Variants in DPF3 observed in about 807,000 individuals in gnomAD.
DPF3 encodes double PHD fingers 3.
A neutral mutation model predicts 56.8 loss-of-function variants in DPF3; 18 were observed. The ratio of observed to expected loss-of-function variants is 0.32; its 90% confidence interval spans 0.22 to 0.47. The LOEUF (loss-of-function observed/expected upper bound fraction) is 0.47, where lower values mean the gene tolerates loss of function less well. Among genes scored for constraint, DPF3 ranks in the 20% least tolerant of loss-of-function variants. The probability of loss-of-function intolerance (pLI) is 1.00; values close to 1 mark genes in which losing one functional copy is unlikely to be tolerated. For missense variants in DPF3, 403 were observed against 488.8 expected, an observed-to-expected ratio of 0.82 and a Z score of 1.65; for synonymous variants, 188 against 180.2, an observed-to-expected ratio of 1.04 and a Z score of -0.35.
chr14:72,770,426 A>G (rs548663509), intron 2 of DPF3, among the ~76,000 whole-genome samples: 2 of 152,366 alleles, frequency 1.3e-5, no homozygotes, highest in East Asian at 1.9e-4. Flanking sequence ...TTTAAACTAC[A>G]GGGGGAAAAA....
chr14:72,677,860 G>C (rs930064758), intron 7 of DPF3, among the ~76,000 whole-genome samples: 1 of 152,146 alleles, frequency 6.6e-6, no homozygotes, highest in African/African-American at 2.4e-5. Context: ...TGGGAGGCGA[G>C]ACATCATTCT....
intron 6 of DPF3, among the ~76,000 whole-genome samples, chr14:72,709,075 A>G (rs182342590): frequency 9.5e-4 from 145 of 152,346 alleles, no homozygotes; most frequent in African/African-American, 3.3e-3. Context: ...CCAAGAAACA[A>G]GAGACTTTAG....
At chr14:72,848,908 AT>A (rs1884861885) in intron 1 of DPF3, among the ~76,000 whole-genome samples, 1 of 152,214 alleles carries the variant, frequency 6.6e-6, no homozygotes, top group Non-Finnish European at 1.5e-5. Context: ...AATGGGCTCC[AT>A]TTGAGCACTT....
intron 1 of DPF3, among the ~76,000 whole-genome samples, chr14:72,880,225 T>C (rs1886275162): frequency 6.6e-6 from 1 of 152,218 alleles, no homozygotes; most frequent in Non-Finnish European, 1.5e-5. Context: ...AACCAGTATC[T>C]CTTTCCATAA....
chr14:72,725,461 G>T (rs781206507), intron 4 of DPF3, among the ~76,000 whole-genome samples: 45 of 152,056 alleles, frequency 3.0e-4, no homozygotes, highest in Non-Finnish European at 5.6e-4. Context: ...CTAGGCAGAG[G>T]AAACAGCATA....
intron 8 of DPF3, among the ~76,000 whole-genome samples, chr14:72,658,713 C>T (rs1886123682): frequency 6.6e-6 from 1 of 152,122 alleles, no homozygotes; most frequent in Non-Finnish European, 1.5e-5. Context: ...GGGACCCATT[C>T]CCACCACATA....
At chr14:72,771,522 A>C (rs553915941) in intron 2 of DPF3, among the ~76,000 whole-genome samples, 2 of 151,462 alleles carry the variant, frequency 1.3e-5, no homozygotes, top group Non-Finnish European at 2.9e-5. Context: ...CATGGCTTCA[A>C]TGCCCCACAC....
chr14:72,856,179 A>G (rs778333764), intron 1 of DPF3, among the ~76,000 whole-genome samples: 8 of 152,132 alleles, frequency 5.3e-5, no homozygotes, highest in Non-Finnish European at 1.2e-4. Flanking sequence ...GGTTCTTTCC[A>G]CCCCAGACAC....
At chr14:72,881,661 T>C (rs1886330991) in intron 1 of DPF3, among the ~76,000 whole-genome samples, 1 of 152,200 alleles carries the variant, frequency 6.6e-6, no homozygotes, top group South Asian at 2.1e-4. Context: ...ATTAAAGGGC[T>C]GCTGCTCCCT....
rs532247320 is a variant in DPF3, at chr14:72,622,595, G to A, written c.985-2611C>T. Among the ~76,000 whole-genome samples, 7 of 152,082 alleles carry A rather than the reference G, an allele frequency of 4.6e-5. No homozygotes were observed. In the East Asian group the frequency reaches 1.4e-3, roughly 29 times the overall value. On this transcript the variant is annotated intron_variant, in intron 9 of 10. Transcript: ENST00000556509. ...ATTACAATTTCCCAAAGGAAAACTA[G>A]GCATCTGAGAGTTTAAGTGCATTTT...
chr14:72,665,570 C>T (rs1306712888), intron 8 of DPF3, among the ~76,000 whole-genome samples: 1 of 152,226 alleles, frequency 6.6e-6, no homozygotes, highest in Non-Finnish European at 1.5e-5. Context: ...AGAAAAACAG[C>T]ATCCAAGCCT....
At chr14:72,705,061 T>C (rs1338263440) in intron 6 of DPF3, among the ~76,000 whole-genome samples, 1 of 151,934 alleles carries the variant, frequency 6.6e-6, no homozygotes, top group Non-Finnish European at 1.5e-5. Context: ...AAGCCAGGGG[T>C]CCCCAACCCC....
intron 8 of DPF3, among the ~76,000 whole-genome samples, chr14:72,640,135 A>G (rs1331026636): frequency 6.6e-6 from 1 of 151,030 alleles, no homozygotes; most frequent in Admixed American, 6.6e-5. Flanking sequence ...TGCATGGTCC[A>G]CTCAGGCAAA....
At position 72,611,911 on chromosome 14, in the gene DPF3, G is replaced by C. The variant is rs531334891; in HGVS notation, c.*7386C>G. 4.6e-5 allele frequency among the ~76,000 whole-genome samples: 7 copies of C among 152,190 alleles called. No homozygotes were observed. The East Asian group carries it at 1.4e-3, about 29-fold the overall frequency. Reference sequence around the variant, plus strand: ...ATACTTACACCTTCCGTGATGGCGCGATACTTGACCTACAATCACGATTGC... The same window carrying C: ...ATACTTACACCTTCCGTGATGGCGCCATACTTGACCTACAATCACGATTGC... On this transcript the variant is annotated 3_prime_UTR_variant, in exon 11 of 11. Transcript: ENST00000556509.
intron 8 of DPF3, among the ~76,000 whole-genome samples, chr14:72,631,190 A>G (rs1885149574): frequency 6.6e-6 from 1 of 152,244 alleles, no homozygotes; most frequent in African/African-American, 2.4e-5. Context: ...CAGTGAATAC[A>G]GGCAGAAGCA....
At chr14:72,700,287 C>T (rs766061586) in intron 6 of DPF3, among the ~76,000 whole-genome samples, 19 of 152,158 alleles carry the variant, frequency 1.2e-4, no homozygotes, top group Admixed American at 4.6e-4. Flanking sequence ...AGACAGGGTC[C>T]GAGTTCAGAA....
At chr14:72,634,267 C>T (rs1450972552) in intron 8 of DPF3, among the ~76,000 whole-genome samples, 1 of 152,190 alleles carries the variant, frequency 6.6e-6, no homozygotes, top group African/African-American at 2.4e-5. Context: ...AGAACTAAAT[C>T]CTCCTGTCTG....
intron 1 of DPF3, among the ~76,000 whole-genome samples, chr14:72,893,777 G>A (rs1459421184): frequency 1.3e-5 from 2 of 152,142 alleles, no homozygotes; most frequent in African/African-American, 4.8e-5. Flanking sequence ...GCGCTCGAGC[G>A]CCGGGCTTCT....
chr14:72,861,752 A>AAAGAAAGG (rs1885429224), intron 1 of DPF3, among the ~76,000 whole-genome samples: 1 of 143,370 alleles, frequency 7.0e-6, no homozygotes, highest in East Asian at 2.0e-4. Context: ...AGAAAGAAAG[A>AAAGAAAGG]AAGAAAGAAA....
Sources: gnomAD v4.1 joint callset for allele counts (sites outside exome capture counted in the v4.1 genomes callset) on GRCh38, gnomAD v4.1.1 for gene constraint, MANE v1.5 for transcripts, NCBI Gene and HGNC (gene_info 2026-07-23, HGNC 2026-07-21) for gene names.